Variants in SIN3B observed in about 807,000 individuals in gnomAD.
The protein encoded by SIN3B is paired amphipathic helix protein Sin3b.
SIN3B carries 19 observed loss-of-function variants against 120.2 expected under a neutral mutation model. That is an observed-to-expected ratio of 0.16 (90% CI 0.11 to 0.23). SIN3B has a LOEUF of 0.23. Ranked by LOEUF, SIN3B falls within the 10% of genes least tolerant of loss-of-function variation. The probability of loss-of-function intolerance (pLI) is 1.00; values close to 1 mark genes in which losing one functional copy is unlikely to be tolerated. For synonymous variants in SIN3B, 654 were observed against 653.2 expected (o/e 1.00, Z -0.02); for missense variants, 1,073 against 1,573.0 (o/e 0.68, Z 5.38).
intron 5 of SIN3B, 33 bp from the exon 6 acceptor site, chr19:16,851,379 C>G: frequency 6.4e-7 from 1 of 1,553,620 alleles, no homozygotes. Flanking sequence ...AGCCACGTCT[C>G]CGGTGCTGAC....
intron 8 of SIN3B, 83 bp downstream of exon 8, chr19:16,854,344 G>A (rs1971584827): frequency 2.5e-6 from 2 of 788,216 alleles, no homozygotes; most frequent in Non-Finnish European, 4.1e-6. Context: ...TACTGTTTTT[G>A]AGCAATGATT....
intron 5 of SIN3B, among the ~76,000 whole-genome samples, chr19:16,850,176 G>A (rs1374029962): frequency 4.0e-5 from 6 of 151,752 alleles, no homozygotes; most frequent in Admixed American, 2.6e-4. Context: ...AGTAGTAGTA[G>A]TATTGTGGCT....
At chr19:16,849,036 T>G (rs996319732) in intron 5 of SIN3B, among the ~76,000 whole-genome samples, 4 of 152,214 alleles carry the variant, frequency 2.6e-5, no homozygotes, top group Non-Finnish European at 1.5e-5. Flanking sequence ...TTAGCTAAGA[T>G]TTTTAGTGTG....
rs1382426743 is a variant in SIN3B at position 16,862,505 on chromosome 19, C to T, written c.1212C>T (p.Leu404=). Residue 404 remains leucine (L), a synonymous_variant, in exon 9 of 19, where the codon CTC becomes CTT. Transcript: ENST00000248054. The surrounding 1 kb of genome is among the most constrained non-coding windows in gnomAD (Gnocchi z 4.7). The stretch of plus-strand genomic sequence containing the variant: ...GCATAGGATCCAGCTACCGGGCACT[C>T]CCCAAAACCTACCAGCAGCCCAAGT... ...CKRIGSSYRA[L]PKTYQQPKCS... 6 of 1,613,990 alleles carry T rather than the reference C, an allele frequency of 3.7e-6. No individual in the cohort carries two copies. The highest frequency in any genetic ancestry group is 2.7e-5 in the African/African-American group (2 of 74,928).
chr19:16,877,276 T>C, intron 16 of SIN3B: 7 of 481,124 alleles, frequency 1.5e-5, no homozygotes, highest in Non-Finnish European at 2.6e-5. Context: ...CTGGGGCGGA[T>C]CCTTCCTGCT....
At chr19:16,874,986 CTGGTTTGGTTTGGTT>C (rs887725884) in intron 14 of SIN3B, among the ~76,000 whole-genome samples, 1 of 139,766 alleles carries the variant, frequency 7.2e-6, no homozygotes. Flanking sequence ...TTGATTTGGT[CTGGTTTGGTTTGGTT>C]TGGTTAGGTT....
At chr19:16,841,573 G>A (rs919766197) in intron 3 of SIN3B, among the ~76,000 whole-genome samples, 195 bp from the exon 4 acceptor site, 1 of 152,108 alleles carries the variant, frequency 6.6e-6, no homozygotes, top group African/African-American at 2.4e-5. Flanking sequence ...GGGTGGAGGT[G>A]AGCTGGGAAG....
chr19:16,873,526 C>CT (rs2144627003), intron 14 of SIN3B, among the ~76,000 whole-genome samples: 1 of 150,756 alleles, frequency 6.6e-6, no homozygotes, highest in South Asian at 2.1e-4. Flanking sequence ...GTCCCCTCCC[C>CT]CCCCCCCCAG....
chr19:16,833,382 C>T (rs1971303817), intron 3 of SIN3B, among the ~76,000 whole-genome samples: 1 of 152,012 alleles, frequency 6.6e-6, no homozygotes, highest in Non-Finnish European at 1.5e-5. Flanking sequence ...GCCTGTAATC[C>T]CAGCACTTTG....
intron 4 of SIN3B, 147 bp downstream of exon 4, chr19:16,842,115 T>A: frequency 1.3e-6 from 1 of 773,828 alleles, no homozygotes; most frequent in Non-Finnish European, 2.1e-6. Context: ...TTTCTTAGAG[T>A]CTGGCTCTGT....
intron 3 of SIN3B, among the ~76,000 whole-genome samples, chr19:16,839,471 G>T (rs181612303): frequency 2.6e-5 from 4 of 152,068 alleles, no homozygotes; most frequent in African/African-American, 9.7e-5. Context: ...CCATTTTGTC[G>T]CAGTGGCACA....
intron 6 of SIN3B, among the ~76,000 whole-genome samples, chr19:16,852,561 A>T (rs1312445742): frequency 1.3e-5 from 2 of 152,176 alleles, no homozygotes; most frequent in African/African-American, 4.8e-5. Flanking sequence ...CTCATTCTTC[A>T]GGCACTTTGG....
At chr19:16,835,106 A>G (rs1971330297) in intron 3 of SIN3B, among the ~76,000 whole-genome samples, 1 of 150,354 alleles carries the variant, frequency 6.7e-6, no homozygotes, top group Non-Finnish European at 1.5e-5. Context: ...TTGTATTTTT[A>G]GTAGAGACGG....
chr19:16,854,417 T>G (rs920513413), intron 8 of SIN3B, 156 bp downstream of exon 8: 1 of 594,892 alleles, frequency 1.7e-6, no homozygotes, highest in Non-Finnish European at 2.9e-6. Flanking sequence ...TTCCCATGCA[T>G]TTGTAAGGAG....
At chr19:16,852,979 G>A in intron 6 of SIN3B, 90 bp from the exon 7 acceptor site, 3 of 1,058,284 alleles carry the variant, frequency 2.8e-6, no homozygotes, top group South Asian at 1.5e-5. Flanking sequence ...GGAGAGCACG[G>A]TCTTAGCCTT....
In SIN3B at chr19:16,878,806, C is replaced by G; in HGVS notation, c.*79C>G. 1 of 1,279,170 alleles carries G rather than the reference C, an allele frequency of 7.8e-7. No individual in the cohort carries two copies. The allele number at this position is 1,279,170 out of a possible 1,614,324, so 79.2% of individuals were successfully genotyped here. ...GCCTTGGTCGTGTCGGGGCCGTTTT[C>G]TTGAACGACGTGAGAGGCATCTCCC... is the stretch of plus-strand genomic sequence containing the variant. On this transcript the variant is annotated 3_prime_UTR_variant, in exon 19 of 19. Transcript: ENST00000248054.
At chr19:16,847,194 C>T in intron 5 of SIN3B, 81 bp downstream of exon 5, 1 of 1,494,958 alleles carries the variant, frequency 6.7e-7, no homozygotes. Context: ...CATGTCCGGG[C>T]CAAGCCTATG....
chr19:16,868,857 G>A (rs1240435254), intron 12 of SIN3B, among the ~76,000 whole-genome samples: 1 of 152,284 alleles, frequency 6.6e-6, no homozygotes, highest in East Asian at 1.9e-4. Flanking sequence ...AGGGGCTGGC[G>A]GGGACAGCAG....
chr19:16,840,672 G>A (rs1971406099), intron 3 of SIN3B, among the ~76,000 whole-genome samples: 1 of 152,182 alleles, frequency 6.6e-6, no homozygotes, highest in South Asian at 2.1e-4. Flanking sequence ...GCACTGCAGG[G>A]CAGCGGAAAC....
Sources: allele counts gnomAD v4.1 joint callset (sites outside exome capture counted in the v4.1 genomes callset), GRCh38; gene constraint gnomAD v4.1.1; non-coding constraint Gnocchi (gnomAD v3.1); transcripts MANE v1.5; gene names NCBI Gene and HGNC (gene_info 2026-07-23, HGNC 2026-07-21).